Variants in ALG8 observed in about 807,000 individuals in gnomAD.
ALG8 encodes ALG8 alpha-1,3-glucosyltransferase, also known as dolichyl pyrophosphate Glc1Man9GlcNAc2 alpha-1,3-glucosyltransferase.
In ALG8, 48 loss-of-function variants were observed where a neutral mutation model predicts 70.2. That is an observed-to-expected ratio of 0.68 (90% confidence interval 0.54 to 0.87). The LOEUF (loss-of-function observed/expected upper bound fraction) is 0.87. Ranked by LOEUF, ALG8 falls within the 40% of genes least tolerant of loss-of-function variation. The pLI, the probability that ALG8 is intolerant of heterozygous loss-of-function variation, is 0.00. For missense variants in ALG8, 572 were observed against 608.7 expected (o/e 0.94, Z 0.64); for synonymous variants, 234 against 229.0 (o/e 1.02, Z -0.20).
intron 1 of ALG8, among the ~76,000 whole-genome samples, chr11:78,134,580 CCTT>C (rs1458765014): frequency 1.8e-4 from 28 of 152,216 alleles, no homozygotes; most frequent in Non-Finnish European, 2.6e-4. Flanking sequence ...TAGAGTCAAT[CCTT>C]CTTCTCAAAC....
Position 78,111,023 on chromosome 11 carries a change from T to A in ALG8, c.899-1442A>T, listed in dbSNP as rs61055890. The stretch of plus-strand genomic sequence containing the variant: ...TAAAGCTTTTTTTGAAATATGAATG[T>A]TAGGAATTACTCTGTAAGAATGCCA... On this transcript the variant is annotated intron_variant, in intron 8 of 12. Coordinates refer to ENST00000299626, the MANE Select transcript of ALG8 (RefSeq NM_024079.5). Among the ~76,000 whole-genome samples the A allele has an allele frequency of 6.9e-3, 1,048 of 152,258 alleles. 7 individuals carry two copies. Among genetic ancestry groups the A allele is most frequent in the African/African-American group, 0.024 (1,010 of 41,568 alleles).
chr11:78,125,987 G>A (rs575703148), intron 2 of ALG8, among the ~76,000 whole-genome samples: 50 of 151,006 alleles, frequency 3.3e-4, no homozygotes, highest in Non-Finnish European at 5.9e-4. Flanking sequence ...GTGAAACCCC[G>A]TCTCTACTAA....
At chr11:78,104,686 G>C in intron 10 of ALG8, 1 of 445,344 alleles carries the variant, frequency 2.2e-6, no homozygotes, top group Non-Finnish European at 4.1e-6. Context: ...GCTTCTGGCC[G>C]GGGACAGTGG....
intron 3 of ALG8, among the ~76,000 whole-genome samples, chr11:78,122,886 T>C (rs1459478547): frequency 6.6e-6 from 1 of 152,152 alleles, no homozygotes; most frequent in Non-Finnish European, 1.5e-5. Flanking sequence ...CCCAAGGGAC[T>C]CTTTACTGAG....
In ALG8 at chr11:78,113,441, G is replaced by A. The variant is rs117563761; in HGVS notation, c.777+445C>T. 1.2e-3 allele frequency among the ~76,000 whole-genome samples: 184 copies of A among 152,136 alleles called. 5 individuals carry two copies. In the East Asian group the frequency reaches 0.032, roughly 26 times the overall value. ...AATACTACCTTATCGGGCCAAGAGCGGTGGCTCATGCCTTTAATCCCAGCA... is the reference window on the plus strand; with the variant it reads ...AATACTACCTTATCGGGCCAAGAGCAGTGGCTCATGCCTTTAATCCCAGCA... On this transcript the variant is annotated intron_variant, in intron 7 of 12. Coordinates refer to ENST00000299626, the MANE Select transcript of ALG8 (RefSeq NM_024079.5).
chr11:78,100,949 A>T lies in ALG8; in HGVS notation c.*15T>A. 1 of 1,605,624 alleles carries T rather than the reference A, an allele frequency of 6.2e-7. No homozygotes were observed. Among genetic ancestry groups the T allele is most frequent in the Middle Eastern group, 1.7e-4 (1 of 6,046 alleles). ...TGAAATAATTGCTTGGCACATATCT[A>T]AGCAGTTCCTTTATTCATTGTTTCT... On this transcript the variant is annotated 3_prime_UTR_variant, in exon 13 of 13. Coordinates refer to ENST00000299626, the MANE Select transcript of ALG8 (RefSeq NM_024079.5).
intron 1 of ALG8, among the ~76,000 whole-genome samples, chr11:78,128,554 A>G (rs1313317633): frequency 1.3e-5 from 2 of 151,894 alleles, no homozygotes; most frequent in Non-Finnish European, 2.9e-5. Context: ...TGCTCTGGAC[A>G]ATCTTATGCA....
At position 78,104,352 on chromosome 11, in the gene ALG8, T is replaced by A; in HGVS notation, c.1276+4A>T. ...ATATATTTTTCTCAGAAGACGCTGT[T>A]TACCTGGTGCAGTGAAGAGCAGAGG... On this transcript the variant is annotated splice_donor_region_variant and intron_variant, in intron 11 of 12. Coordinates refer to ENST00000299626, the MANE Select transcript of ALG8 (RefSeq NM_024079.5). The A allele has an allele frequency of 6.3e-7, 1 of 1,580,964 alleles. No homozygotes were observed. The highest frequency in any genetic ancestry group is 8.6e-7 in the Non-Finnish European group (1 of 1,163,648).
Position 78,124,185 on chromosome 11 carries a change from G to A in ALG8, c.204C>T (p.Pro68=), listed in dbSNP as rs1403406792. ...TATACTCAAACCATGCAAAGAAAGG[G>A]GGGTAATCCAACGTCCACTCTGAAG... ...EATSEWTLDY[P]PFFAWFEYIL... Residue 68 remains proline, a synonymous_variant, in exon 3 of 13, where the codon CCC becomes CCT. Coordinates refer to ENST00000299626, the MANE Select transcript of ALG8 (RefSeq NM_024079.5). The A allele has an allele frequency of 6.2e-7, 1 of 1,614,156 alleles. No individual in the cohort carries two copies. Among genetic ancestry groups the A allele is most frequent in the Non-Finnish European group, 8.5e-7 (1 of 1,180,026 alleles).
At chr11:78,103,818 A>G (rs1378353443) in intron 12 of ALG8, among the ~76,000 whole-genome samples, 162 bp downstream of exon 12, 1 of 152,172 alleles carries the variant, frequency 6.6e-6, no homozygotes, top group Non-Finnish European at 1.5e-5. Flanking sequence ...GTCTCGACTG[A>G]GTGATGGGAT....
chr11:78,125,897 C>T (rs1330957215), intron 2 of ALG8, among the ~76,000 whole-genome samples: 2 of 152,180 alleles, frequency 1.3e-5, no homozygotes, highest in African/African-American at 4.8e-5. Flanking sequence ...CAGTGGCTCA[C>T]GCCTGTAATC....
chr11:78,133,493 G>C lies in ALG8; in HGVS notation c.95+6001C>G, dbSNP rs536951514. ...CCATGCTAAGCTTCCTGTATCATTC[G>C]ATTTTAGTGCAGGCATACCTTAGAG... On this transcript the variant is annotated intron_variant, in intron 1 of 12. Coordinates refer to ENST00000299626, the MANE Select transcript of ALG8 (RefSeq NM_024079.5). 21 of 152,204 alleles carry C rather than the reference G, an allele frequency of 1.4e-4. No homozygotes were observed. The East Asian group carries it at 3.9e-3, about 28-fold the overall frequency. The allele number at this position is 152,204 out of a possible 1,614,324, so 9.4% of individuals were successfully genotyped here.
chr11:78,117,974 G>C (rs1395189873), intron 5 of ALG8, among the ~76,000 whole-genome samples: 1 of 151,520 alleles, frequency 6.6e-6, no homozygotes, highest in Non-Finnish European at 1.5e-5. Context: ...GGGAGGCTGA[G>C]GCGGGAGAAT....
At chr11:78,106,698 C>T (rs1304767595) in intron 10 of ALG8, 109 bp downstream of exon 10, 6 of 1,446,044 alleles carry the variant, frequency 4.1e-6, no homozygotes, top group Non-Finnish European at 5.8e-6. Context: ...TCCTATACAT[C>T]TTTGTTTTTG....
chr11:78,106,155 T>C (rs1269611792), intron 10 of ALG8, among the ~76,000 whole-genome samples: 4 of 152,088 alleles, frequency 2.6e-5, no homozygotes, highest in African/African-American at 9.7e-5. Flanking sequence ...CAAGGAACCA[T>C]GGGACCTTAT....
chr11:78,125,655 T>C (rs943146966), intron 2 of ALG8, among the ~76,000 whole-genome samples: 6 of 150,436 alleles, frequency 4.0e-5, no homozygotes, highest in African/African-American at 1.2e-4. Context: ...TGGGTGCCTG[T>C]AATCCCAGCT....
chr11:78,114,625 C>A, intron 5 of ALG8: 1 of 557,134 alleles, frequency 1.8e-6, no homozygotes, highest in Non-Finnish European at 3.2e-6. Flanking sequence ...ACTATTTCTA[C>A]AACTTTTCTG....
intron 9 of ALG8, among the ~76,000 whole-genome samples, chr11:78,107,223 A>ATATATATAT (rs1860079935): frequency 1.1e-5 from 1 of 94,368 alleles, no homozygotes; most frequent in East Asian, 2.6e-4. Flanking sequence ...ATATATATAT[A>ATATATATAT]ATTTTTTGTT....
chr11:78,118,456 A>C (rs1487836824), intron 5 of ALG8, among the ~76,000 whole-genome samples: 1 of 151,522 alleles, frequency 6.6e-6, no homozygotes, highest in African/African-American at 2.4e-5. Flanking sequence ...TCTCTAATAA[A>C]AATACAAAAA....
Sources: gnomAD v4.1 joint callset for allele counts (sites outside exome capture counted in the v4.1 genomes callset) on GRCh38, gnomAD v4.1.1 for gene constraint, MANE v1.5 for transcripts, NCBI Gene and HGNC (gene_info 2026-07-23, HGNC 2026-07-21) for gene names.